Variants in GPR155 observed in about 807,000 individuals in gnomAD.
The protein encoded by GPR155 is lysosomal cholesterol signaling protein.
A neutral mutation model predicts 93.1 loss-of-function variants in GPR155; 65 were observed. The ratio of observed to expected loss-of-function variants is 0.70; its 90% CI spans 0.57 to 0.86. The LOEUF (loss-of-function observed/expected upper bound fraction) is 0.86. Among genes scored for constraint, GPR155 ranks in the 40% least tolerant of loss-of-function variants. The pLI, the probability that GPR155 is intolerant of heterozygous loss-of-function variation, is 0.00. For missense variants in GPR155, 838 were observed against 1,034.8 expected (o/e 0.81, Z 2.61); for synonymous variants, 319 against 360.1 (o/e 0.89, Z 1.29).
intron 3 of GPR155, among the ~76,000 whole-genome samples, chr2:174,470,796 G>GA (rs1358253118): frequency 1.3e-5 from 2 of 151,900 alleles, no homozygotes; most frequent in Admixed American, 1.3e-4. Flanking sequence ...GATTAGGAGG[G>GA]AAAAAAAGAT....
intron 10 of GPR155, among the ~76,000 whole-genome samples, chr2:174,458,028 T>A (rs975457317): frequency 6.6e-6 from 1 of 152,174 alleles, no homozygotes; most frequent in Non-Finnish European, 1.5e-5. Context: ...TGAGCAACCA[T>A]ACCCAGCTTT....
At chr2:174,438,695 C>T (rs1353881325) in intron 15 of GPR155, among the ~76,000 whole-genome samples, 1 of 152,074 alleles carries the variant, frequency 6.6e-6, no homozygotes, top group Non-Finnish European at 1.5e-5. Context: ...TTAGTAGAGA[C>T]AGGGTTTCAC....
At chr2:174,486,575 A>G (rs909099857) in intron 1 of GPR155, among the ~76,000 whole-genome samples, 20 of 152,186 alleles carry the variant, frequency 1.3e-4, no homozygotes, top group African/African-American at 4.8e-4. Flanking sequence ...GAGTCTAAGA[A>G]AGACAGGGTG....
At chr2:174,453,202 C>T (rs1158623131) in intron 11 of GPR155, among the ~76,000 whole-genome samples, 1 of 152,192 alleles carries the variant, frequency 6.6e-6, no homozygotes, top group East Asian at 1.9e-4. Context: ...GTGTATGACA[C>T]TACCTATTAT....
chr2:174,465,652 TG>T (rs989291965), intron 7 of GPR155, 132 bp downstream of exon 7: 43 of 530,362 alleles, frequency 8.1e-5, no homozygotes, highest in Non-Finnish European at 1.5e-4. Context: ...CCTCTGTGGG[TG>T]GGCTGATCTG....
In GPR155 at chr2:174,486,858, A is replaced by G. The variant is rs990719074; in HGVS notation, c.-32+15T>C. 2 of 152,668 alleles carry G rather than the reference A, an allele frequency of 1.3e-5. No individual in the cohort carries two copies. Among genetic ancestry groups the G allele is most frequent in the Admixed American group, 6.5e-5 (1 of 15,282 alleles). 9.5% of individuals were successfully genotyped at this position (152,668 alleles called of 1,614,324 possible). On this transcript the variant is annotated intron_variant, in intron 1 of 15. Transcript: ENST00000392552. ...CCAGGACCCAGCAGGTCCGCGCTCC[A>G]GGGGCCCCTCTCACCTGCTTCGTCT... is the stretch of plus-strand genomic sequence containing the variant.
intron 10 of GPR155, among the ~76,000 whole-genome samples, chr2:174,454,623 A>C (rs1355208935): frequency 3.3e-5 from 5 of 149,894 alleles, no homozygotes; most frequent in Non-Finnish European, 7.4e-5. Flanking sequence ...CAGCCTGGGG[A>C]AAGAAGGAAG....
At chr2:174,483,889 A>G (rs1174267558) in intron 1 of GPR155, among the ~76,000 whole-genome samples, 2 of 152,076 alleles carry the variant, frequency 1.3e-5, no homozygotes, top group Non-Finnish European at 2.9e-5. Context: ...CCAGCCAACA[A>G]TAGCCAATTT....
In GPR155 at chr2:174,436,309, T is replaced by C; in HGVS notation, c.2420A>G (p.Asp807Gly). Reference sequence around the variant, plus strand: ...GATGACTCCCCCTTGTACCAGCCTGTCTCCGTATATCACAGCTTCACCACG... The same window carrying C: ...GATGACTCCCCCTTGTACCAGCCTGCCTCCGTATATCACAGCTTCACCACG... ...SDRGEAVIYG[D>G]RLVQGGVIQH... The change falls in exon 16 of 16, where the codon GAC becomes GGC. Residue 807 changes from aspartate to glycine, a missense_variant. Transcript: ENST00000392552. 1 of 1,614,146 alleles carries C rather than the reference T, an allele frequency of 6.2e-7. No individual in the cohort carries two copies.
chr2:174,475,229 A>T (rs1340888598), intron 2 of GPR155, among the ~76,000 whole-genome samples: 1 of 129,274 alleles, frequency 7.7e-6, no homozygotes, highest in Non-Finnish European at 1.6e-5. Context: ...CGGGAGGCGG[A>T]GCTTGCAGTG....
intron 3 of GPR155, among the ~76,000 whole-genome samples, chr2:174,472,631 T>C (rs1688028865): frequency 6.6e-6 from 1 of 152,220 alleles, no homozygotes; most frequent in Non-Finnish European, 1.5e-5. Flanking sequence ...CTTTAGGGTC[T>C]TTATGGATTT....
chr2:174,439,441 A>C (rs899473757), intron 15 of GPR155, among the ~76,000 whole-genome samples: 27 of 152,194 alleles, frequency 1.8e-4, no homozygotes, highest in Admixed American at 1.6e-3. Flanking sequence ...AAAGATTAGA[A>C]CTTGAAGTGA....
chr2:174,467,367 G>A (rs950298644), intron 5 of GPR155, among the ~76,000 whole-genome samples: 11 of 152,066 alleles, frequency 7.2e-5, no homozygotes, highest in Admixed American at 1.3e-4. Flanking sequence ...TGTAATCCCA[G>A]CTACTTGGGA....
rs1364489805 is a variant in GPR155 at position 174,466,035 on chromosome 2, AT to A, written c.1267-134del. ...CAGCAAATATAATTATTTGTTTAAAATTTTTTGTGAATAATTATCAAGTATT... is the reference window on the plus strand; with the variant it reads ...CAGCAAATATAATTATTTGTTTAAAATTTTTGTGAATAATTATCAAGTATT... On this transcript the variant is annotated intron_variant, in intron 6 of 15. Coordinates refer to ENST00000392552, the MANE Select transcript of GPR155 (RefSeq NM_152529.7). The A allele has an allele frequency of 5.3e-6, 3 of 564,166 alleles. No homozygotes were observed. The Admixed American group carries it at 9.1e-5, about 17-fold the overall frequency. 34.9% of individuals were successfully genotyped at this position (564,166 alleles called of 1,614,324 possible).
rs569210326 is a variant in GPR155 at position 174,442,167 on chromosome 2, C to A, written c.2126G>T (p.Gly709Val). The A allele has an allele frequency of 7.2e-7, 1 of 1,386,996 alleles. No homozygotes were observed. The highest frequency in any genetic ancestry group is 1.2e-5 in the South Asian group (1 of 86,256). 85.9% of individuals were successfully genotyped at this position (1,386,996 alleles called of 1,614,324 possible). ...TAAATGTTTATCTAATCCAAAGATT[C>A]CAAAGGAAATAAATCCCTAGGGAAG... The part of the protein sequence containing the change: ...FNFGQGFISF[G>V]IFGLDKHLII... The change falls in exon 14 of 16, where the codon GGA becomes GTA. Residue 709 changes from glycine (G) to valine (V), a missense_variant. Physicochemically the swap from Gly to Val is moderately radical, Grantham distance 109. This residue lies in a region of GPR155 where 29 missense variants were observed against 67.1 expected (regional missense o/e 0.43). Coordinates refer to ENST00000392552, the MANE Select transcript of GPR155 (RefSeq NM_152529.7).
chr2:174,462,754 A>G (rs1222338456), intron 7 of GPR155, among the ~76,000 whole-genome samples: 4 of 152,200 alleles, frequency 2.6e-5, no homozygotes, highest in Non-Finnish European at 5.9e-5. Context: ...ATACAAACAC[A>G]CTCTGAATTT....
At chr2:174,472,238 T>C (rs923887791) in intron 3 of GPR155, among the ~76,000 whole-genome samples, 2 of 152,144 alleles carry the variant, frequency 1.3e-5, no homozygotes, top group African/African-American at 4.8e-5. Context: ...AAATCCCGTC[T>C]CTACTAAAAA....
Position 174,481,602 on chromosome 2 carries a change from C to T in GPR155, c.355G>A (p.Val119Ile). Residue 119 changes from valine to isoleucine, a missense_variant, in exon 2 of 16, where the codon GTA (valine) becomes ATA (isoleucine). This residue lies in a region of GPR155 where 663 missense variants were observed against 790.1 expected (regional missense o/e 0.84). Transcript: ENST00000392552. ...GGACTGGCAACCAATAAGGTTAATA[C>T]ACATACAATGAAAAATACAGAAGCT... ...AKASVFFIVC[V>I]LTLLVASPDS... 6.2e-7 allele frequency: 1 copy of T among 1,613,428 alleles called. No individual in the cohort carries two copies. Among genetic ancestry groups the T allele is most frequent in the South Asian group, 1.1e-5 (1 of 91,074 alleles).
intron 5 of GPR155, 117 bp downstream of exon 5, chr2:174,468,795 C>G (rs906960055): frequency 2.3e-6 from 2 of 869,336 alleles, no homozygotes; most frequent in African/African-American, 3.4e-5. Context: ...ATTTTATGGG[C>G]AGGCTTTAGC....
Sources: gnomAD v4.1 joint callset for allele counts (sites outside exome capture counted in the v4.1 genomes callset) on GRCh38, gnomAD v4.1.1 for gene constraint, gnomAD v4.1.1 regional missense constraint, MANE v1.5 for transcripts, NCBI Gene and HGNC (gene_info 2026-07-23, HGNC 2026-07-21) for gene names.